ZNF562: variants seen among roughly 807,000 people sequenced by gnomAD.
ZNF562 encodes the protein zinc finger protein 562.
Under a neutral mutation model 17.5 loss-of-function variants are expected in ZNF562, and 13 were observed. That is an observed-to-expected ratio of 0.74 (90% CI 0.48 to 1.18). The LOEUF is 1.18. Among genes scored for constraint, ZNF562 ranks in the 50% most tolerant of loss-of-function variants. ZNF562 has a pLI of 0.00. For missense variants in ZNF562, 481 were observed against 498.5 expected (o/e 0.96, Z 0.33); for synonymous variants, 163 against 165.4 (o/e 0.99, Z 0.11).
Position 9,642,883 on chromosome 19 carries a change from A to G in ZNF562, c.*10066T>C, listed in dbSNP as rs1186784146. On this transcript the variant is annotated 3_prime_UTR_variant, in exon 6 of 6. Transcript: ENST00000453372. ...TCGACCAAAAAAAAAAAAATTTAAAAATAAAAAAATTAGCCGGGCCTGGTG... is the reference window on the plus strand; with the variant it reads ...TCGACCAAAAAAAAAAAAATTTAAAGATAAAAAAATTAGCCGGGCCTGGTG... 6.6e-6 allele frequency: 1 copy of G among 151,756 alleles called. No individual in the cohort carries two copies. The highest frequency in any genetic ancestry group is 1.5e-5 in the Non-Finnish European group (1 of 67,970). 9.4% of individuals were successfully genotyped at this position (151,756 alleles called of 1,614,324 possible). A position where few individuals can be genotyped will look rare whatever the true frequency, so the allele number is the denominator to read the frequency against.
chr19:9,669,976 T>C (rs1356379022), intron 1 of ZNF562, among the ~76,000 whole-genome samples: 1 of 151,988 alleles, frequency 6.6e-6, no homozygotes, highest in Non-Finnish European at 1.5e-5. Flanking sequence ...GTAAGAGAAT[T>C]GCTTGAACCC....
chr19:9,666,277 C>T (rs942830905), intron 1 of ZNF562, among the ~76,000 whole-genome samples: 3 of 149,362 alleles, frequency 2.0e-5, no homozygotes, highest in Admixed American at 6.7e-5. Context: ...GAGCCGAGAT[C>T]GCACTATTGC....
At chr19:9,661,414 G>T (rs1433874223) in intron 1 of ZNF562, among the ~76,000 whole-genome samples, 2 of 152,102 alleles carry the variant, frequency 1.3e-5, no homozygotes, top group Non-Finnish European at 2.9e-5. Context: ...TGCCTCCCAG[G>T]TTCAAGTGAT....
In ZNF562 at chr19:9,646,754, G is replaced by T. The variant is rs932838821; in HGVS notation, c.*6195C>A. The T allele has an allele frequency of 7.0e-6, 1 of 142,476 alleles. No individual in the cohort carries two copies. Among genetic ancestry groups the T allele is most frequent in the African/African-American group, 2.5e-5 (1 of 39,340 alleles). 8.8% of individuals were successfully genotyped at this position (142,476 alleles called of 1,614,324 possible). ...AGAAGAATATTCTCAAAATACTTATGCAAGCCTTAGTTGTCTTTTTTTTTT... is the reference window on the plus strand; with the variant it reads ...AGAAGAATATTCTCAAAATACTTATTCAAGCCTTAGTTGTCTTTTTTTTTT... On this transcript the variant is annotated 3_prime_UTR_variant, in exon 6 of 6. Transcript: ENST00000453372.
intron 1 of ZNF562, among the ~76,000 whole-genome samples, chr19:9,670,098 G>A (rs1226900548): frequency 6.6e-6 from 1 of 151,910 alleles, no homozygotes; most frequent in Non-Finnish European, 1.5e-5. Flanking sequence ...ACTTAGCCAG[G>A]TGTATTAGTG....
At chr19:9,670,808 T>A (rs2044167009) in intron 1 of ZNF562, among the ~76,000 whole-genome samples, 1 of 151,984 alleles carries the variant, frequency 6.6e-6, no homozygotes. Flanking sequence ...GACCAACCTG[T>A]CCAATATGGT....
At chr19:9,654,086 G>A (rs899150574) in intron 5 of ZNF562, among the ~76,000 whole-genome samples, 21 of 151,418 alleles carry the variant, frequency 1.4e-4, no homozygotes, top group African/African-American at 4.9e-4. Context: ...CACCTCCCAG[G>A]CTCAAGTGAT....
intron 5 of ZNF562, among the ~76,000 whole-genome samples, chr19:9,654,707 A>G (rs764574490): frequency 3.9e-5 from 6 of 152,068 alleles, no homozygotes; most frequent in Non-Finnish European, 8.8e-5. Context: ...TAGGCCTCCG[A>G]AAGTGCTGGA....
chr19:9,660,917 C>T (rs1311745206), intron 1 of ZNF562, 43 bp from the exon 2 acceptor site: 3 of 542,498 alleles, frequency 5.5e-6, no homozygotes, highest in Admixed American at 3.4e-5. Context: ...AAACATCAGT[C>T]ATTGAACATT....
At chr19:9,669,721 C>CGT (rs2044086704) in intron 1 of ZNF562, among the ~76,000 whole-genome samples, 2 of 86,050 alleles carry the variant, frequency 2.3e-5, no homozygotes, top group Admixed American at 1.3e-4. Context: ...CGCGCGAGCG[C>CGT]GCGCGCGCGC....
intron 1 of ZNF562, among the ~76,000 whole-genome samples, chr19:9,665,001 C>T (rs139717887): frequency 1.1e-3 from 167 of 152,292 alleles, no homozygotes; most frequent in African/African-American, 3.9e-3. Context: ...GCAGGTGGCT[C>T]ACCTGAGGTC....
chr19:9,660,958 A>T, intron 1 of ZNF562, 84 bp from the exon 2 acceptor site: 1 of 444,582 alleles, frequency 2.2e-6, no homozygotes, highest in East Asian at 3.4e-5. Flanking sequence ...CAGGTGACAG[A>T]TGTGAAGGCC....
chr19:9,643,577 T>A lies in ZNF562; in HGVS notation c.*9372A>T, dbSNP rs2074786755. ...AATCCGTTCCTTCCTAGCTTCCTTT[T>A]TTCCTTCTTTTTTTTTTTTTTTTAA... On this transcript the variant is annotated 3_prime_UTR_variant, in exon 6 of 6. Transcript: ENST00000453372. The A allele has an allele frequency of 6.6e-6, 1 of 151,536 alleles. No individual in the cohort carries two copies. The highest frequency in any genetic ancestry group is 2.1e-4 in the South Asian group (1 of 4,828). 9.4% of individuals were successfully genotyped at this position (151,536 alleles called of 1,614,324 possible). A position where few individuals can be genotyped will look rare whatever the true frequency, so the allele number is the denominator to read the frequency against.
In ZNF562 at chr19:9,660,720, C is replaced by G. The variant is rs756462478; in HGVS notation, c.25G>C (p.Gly9Arg). The G allele has an allele frequency of 6.2e-7, 1 of 1,613,394 alleles. No homozygotes were observed. Among genetic ancestry groups the G allele is most frequent in the Non-Finnish European group, 8.5e-7 (1 of 1,179,596 alleles). Residue 9 changes from glycine (G) to arginine (R), a missense_variant and splice_region_variant, in exon 2 of 6, where the codon GGG becomes CGG. Coordinates refer to ENST00000453372, the MANE Select transcript of ZNF562 (RefSeq NM_001130031.2). MSAFDMSH[G>R]FFPREPICPF... Reference sequence around the variant, plus strand: ...AAAAAGAGCATCAACAAGGACTTACCATGGGACATATCAAAGGCTGACATC... The same window carrying G: ...AAAAAGAGCATCAACAAGGACTTACGATGGGACATATCAAAGGCTGACATC...
intron 4 of ZNF562, among the ~76,000 whole-genome samples, chr19:9,657,261 AC>A (rs1441604403): frequency 6.6e-6 from 1 of 151,026 alleles, no homozygotes; most frequent in Non-Finnish European, 1.5e-5. Flanking sequence ...AAAATGATAA[AC>A]TTAACAAAAA....
intron 1 of ZNF562, among the ~76,000 whole-genome samples, chr19:9,662,949 C>T (rs1461373026): frequency 6.6e-6 from 1 of 151,644 alleles, no homozygotes; most frequent in Non-Finnish European, 1.5e-5. Flanking sequence ...GGGAGGTGCC[C>T]ACCTCAGCCT....
intron 1 of ZNF562, among the ~76,000 whole-genome samples, chr19:9,669,725 C>CGCGCGCGA (rs2044090643): frequency 1.2e-5 from 1 of 83,024 alleles, no homozygotes; most frequent in African/African-American, 4.6e-5. Context: ...CGAGCGCGCG[C>CGCGCGCGA]GCGCGCGCGC....
At chr19:9,664,155 G>A (rs1209972299) in intron 1 of ZNF562, among the ~76,000 whole-genome samples, 6 of 152,034 alleles carry the variant, frequency 3.9e-5, no homozygotes, top group East Asian at 1.9e-4. Context: ...TGCAACCTCC[G>A]CCTCTTTGGT....
At chr19:9,656,189 A>T (rs1025910084) in intron 5 of ZNF562, among the ~76,000 whole-genome samples, 2 of 152,178 alleles carry the variant, frequency 1.3e-5, no homozygotes, top group African/African-American at 4.8e-5. Context: ...TGGAATTCTC[A>T]ATCTTTTCTG....
Sources: gnomAD v4.1 joint callset for allele counts (sites outside exome capture counted in the v4.1 genomes callset) on GRCh38, gnomAD v4.1.1 for gene constraint, MANE v1.5 for transcripts, NCBI Gene and HGNC (gene_info 2026-07-23, HGNC 2026-07-21) for gene names.